WDFY4: variants seen among roughly 807,000 people sequenced by gnomAD.
The protein encoded by WDFY4 is WD repeat- and FYVE domain-containing protein 4.
Under a neutral mutation model 351.9 loss-of-function variants are expected in WDFY4, and 169 were observed. The observed-to-expected ratio is 0.48, with a 90% confidence interval of 0.42 to 0.55. WDFY4 has a LOEUF of 0.55. Ranked by LOEUF, WDFY4 falls within the 20% of genes least tolerant of loss-of-function variation. The probability of loss-of-function intolerance (pLI) is 0.00; values close to 1 mark genes in which losing one functional copy is unlikely to be tolerated. For synonymous variants in WDFY4, 1,622 were observed against 1,574.6 expected (o/e 1.03, Z -0.71); for missense variants, 3,803 against 3,935.6 (o/e 0.97, Z 0.90).
chr10:48,844,417 C>T (rs147498186), intron 39 of WDFY4, among the ~76,000 whole-genome samples: 1 of 152,084 alleles, frequency 6.6e-6, no homozygotes, highest in Non-Finnish European at 1.5e-5. Context: ...TATGATGAAA[C>T]CCCGTCTCTA....
chr10:48,743,090 G>C lies in WDFY4; in HGVS notation c.2001G>C (p.Gln667His). ...GCTCCCTCCAGGAGCCCCCGCTGCA[G>C]GCATGGGGAGCAGTATCCCCCAGAC... ...LEGSLQEPPLQAWGAVSPRQT... is the reference protein window; with the variant it reads ...LEGSLQEPPLHAWGAVSPRQT... The change falls in exon 12 of 62, where the codon CAG becomes CAC. Residue 667 changes from glutamine (Q) to histidine (H), a missense_variant. This residue lies in a region of WDFY4 where 3,054 missense variants were observed against 3,148.6 expected (regional missense o/e 0.97). Coordinates refer to ENST00000325239, the MANE Select transcript of WDFY4 (RefSeq NM_001394531.1). 1 of 1,551,738 alleles carries C rather than the reference G, an allele frequency of 6.4e-7. No homozygotes were observed. Among genetic ancestry groups the C allele is most frequent in the Non-Finnish European group, 8.7e-7 (1 of 1,147,006 alleles).
intron 32 of WDFY4, among the ~76,000 whole-genome samples, chr10:48,818,519 A>C (rs1318752493): frequency 1.8e-4 from 28 of 152,216 alleles, no homozygotes. Context: ...AGTTTCCTCC[A>C]GGCTCACTGA....
At chr10:48,830,909 G>A in intron 38 of WDFY4, 24 bp downstream of exon 38, 1 of 1,541,958 alleles carries the variant, frequency 6.5e-7, no homozygotes, top group Non-Finnish European at 8.8e-7. Context: ...CGGCTCCAGG[G>A]AATGGGAACT....
intron 13 of WDFY4, among the ~76,000 whole-genome samples, chr10:48,771,913 G>C (rs2065877630): frequency 6.6e-6 from 1 of 152,186 alleles, no homozygotes; most frequent in South Asian, 2.1e-4. Context: ...CAGGTGGTCT[G>C]TGATGTGAAG....
At chr10:48,962,372 C>T (rs1451604291) in intron 53 of WDFY4, among the ~76,000 whole-genome samples, 1 of 152,170 alleles carries the variant, frequency 6.6e-6, no homozygotes, top group Non-Finnish European at 1.5e-5. Flanking sequence ...GTGTGTAGGG[C>T]AGCTTGTCCT....
At chr10:48,741,620 T>C (rs2064853457) in intron 11 of WDFY4, among the ~76,000 whole-genome samples, 1 of 152,146 alleles carries the variant, frequency 6.6e-6, no homozygotes, top group African/African-American at 2.4e-5. Flanking sequence ...TTTCACTAAC[T>C]TCCACGTATC....
At chr10:48,702,699 C>T (rs2063513741) in intron 1 of WDFY4, among the ~76,000 whole-genome samples, 1 of 152,168 alleles carries the variant, frequency 6.6e-6, no homozygotes, top group African/African-American at 2.4e-5. Flanking sequence ...CTTCTAGAAA[C>T]ATTCATGTAT....
Position 48,821,192 on chromosome 10 carries a change from C to G in WDFY4, c.5824+16C>G. On this transcript the variant is annotated intron_variant, in intron 34 of 61. Coordinates refer to ENST00000325239, the MANE Select transcript of WDFY4 (RefSeq NM_001394531.1). The stretch of plus-strand genomic sequence containing the variant: ...ATGTTCAGAGGTGAGTGGGGCAACT[C>G]GGTCCCCTCCATTCATGACATGAGG... 1 of 1,533,588 alleles carries G rather than the reference C, an allele frequency of 6.5e-7. No individual in the cohort carries two copies. The allele number at this position is 1,533,588 out of a possible 1,614,324, so 95.0% of individuals were successfully genotyped here.
At chr10:48,892,864 A>C (rs1836883446) in intron 44 of WDFY4, among the ~76,000 whole-genome samples, 1 of 152,204 alleles carries the variant, frequency 6.6e-6, no homozygotes, top group Non-Finnish European at 1.5e-5. Flanking sequence ...TTTCCTCAGA[A>C]ACTAACAGCC....
intron 12 of WDFY4, among the ~76,000 whole-genome samples, chr10:48,758,879 C>A (rs1248604545): frequency 6.6e-6 from 1 of 152,206 alleles, no homozygotes; most frequent in Non-Finnish European, 1.5e-5. Flanking sequence ...TCTGTGACAT[C>A]TCAGCATTGG....
In WDFY4 at chr10:48,760,323, G is replaced by A. The variant is rs762676132; in HGVS notation, c.2460-24G>A. 9.0e-5 allele frequency: 139 copies of A among 1,549,302 alleles called. No individual in the cohort carries two copies. In the South Asian group the frequency reaches 1.6e-3, roughly 18 times the overall value. ...AGAAACTGGAAGGTCCGTGTCTCAT[G>A]TCTGGCTCTCCCTCTCTCTGCAGGA... On this transcript the variant is annotated intron_variant, in intron 12 of 61. Transcript: ENST00000325239.
intron 39 of WDFY4, among the ~76,000 whole-genome samples, chr10:48,842,106 T>C (rs2068627049): frequency 6.6e-6 from 1 of 151,970 alleles, no homozygotes; most frequent in Admixed American, 6.6e-5. Flanking sequence ...GAATAATTGG[T>C]ACTGGATCCA....
Position 48,936,598 on chromosome 10 carries a change from G to A in WDFY4, c.7587-5208G>A, listed in dbSNP as rs569739735. Among the ~76,000 whole-genome samples, 56 of 122,754 alleles carry A rather than the reference G, an allele frequency of 4.6e-4. 1 individual carries two copies. The East Asian group carries it at 9.0e-3, about 20-fold the overall frequency. The allele number at this position is 122,754 out of a possible 152,430, so 80.5% of individuals were successfully genotyped here. ...CATGCCTGTAATTCCAGCACTTTCG[G>A]AGGCCGAAGAGGGTGGATCACAAGG... On this transcript the variant is annotated intron_variant, in intron 47 of 61. Transcript: ENST00000325239.
intron 57 of WDFY4, among the ~76,000 whole-genome samples, chr10:48,974,527 A>AAAAAAAAAAAAC: frequency 2.2e-4 from 5 of 23,196 alleles, no homozygotes; most frequent in African/African-American, 3.6e-4. Flanking sequence ...AAAAAAAAAA[A>AAAAAAAAAAAAC]AACAACTCAT....
chr10:48,829,867 G>A (rs2068128931), intron 37 of WDFY4, among the ~76,000 whole-genome samples: 1 of 152,142 alleles, frequency 6.6e-6, no homozygotes, highest in Admixed American at 6.5e-5. Flanking sequence ...ATAAAAGATT[G>A]TACACACAGG....
intron 61 of WDFY4, 89 bp downstream of exon 61, chr10:48,981,567 C>A: frequency 7.8e-7 from 1 of 1,289,980 alleles, no homozygotes; most frequent in East Asian, 2.5e-5. Context: ...TCCAGGCCAC[C>A]TGGCCGAGGA....
At chr10:48,970,352 ACCTCTG>A (rs745922412) in intron 57 of WDFY4, 63 bp downstream of exon 57, 19 of 1,517,894 alleles carry the variant, frequency 1.3e-5, no homozygotes, top group Non-Finnish European at 1.7e-5. Context: ...TAGGGACAAA[ACCTCTG>A]CCTGGCATGG....
At chr10:48,906,071 T>C (rs568612895) in intron 47 of WDFY4, among the ~76,000 whole-genome samples, 43 of 152,248 alleles carry the variant, frequency 2.8e-4, no homozygotes, top group African/African-American at 1.0e-3. Context: ...AGCTGATGAT[T>C]TTTCTTTTGG....
intron 11 of WDFY4, among the ~76,000 whole-genome samples, chr10:48,737,428 C>T (rs1158442231): frequency 6.6e-6 from 1 of 152,218 alleles, no homozygotes; most frequent in East Asian, 1.9e-4. Context: ...TTAAGCCTAT[C>T]TCTATGCAAA....
Sources: allele counts gnomAD v4.1 joint callset (sites outside exome capture counted in the v4.1 genomes callset), GRCh38; gene constraint gnomAD v4.1.1; regional missense constraint gnomAD v4.1.1; transcripts MANE v1.5; gene names NCBI Gene and HGNC (gene_info 2026-07-23, HGNC 2026-07-21).